Variants in POU2F3 observed in about 807,000 individuals in gnomAD.
The protein encoded by POU2F3 is POU class 2 homeobox 3.
A neutral mutation model predicts 59.2 loss-of-function variants in POU2F3; 23 were observed. The ratio of observed to expected loss-of-function variants is 0.39; its 90% CI spans 0.28 to 0.55. POU2F3 has a LOEUF of 0.55. Ranked by LOEUF, POU2F3 falls within the 20% of genes least tolerant of loss-of-function variation. POU2F3 has a pLI of 0.66. For missense variants in POU2F3, 473 were observed against 544.5 expected (o/e 0.87, Z 1.31); for synonymous variants, 190 against 214.6 (o/e 0.89, Z 1.00).
chr11:120,288,212 AT>A (rs1446537289), intron 3 of POU2F3, among the ~76,000 whole-genome samples: 2 of 151,564 alleles, frequency 1.3e-5, no homozygotes, highest in African/African-American at 4.8e-5. Context: ...ACACATCAGT[AT>A]CCCTGAGGGC....
In POU2F3 at chr11:120,307,501, A is replaced by G; in HGVS notation, c.792A>G (p.Ser264=). 2 of 1,614,168 alleles carry G rather than the reference A, an allele frequency of 1.2e-6. No homozygotes were observed. Among genetic ancestry groups the G allele is most frequent in the Non-Finnish European group, 1.7e-6 (2 of 1,179,994 alleles). The part of the protein sequence containing the change: ...NDAESSPSDP[S]VSTPSSYPSL... Reference sequence around the variant, plus strand: ...CAGAGTCCTCTCCGTCAGACCCCTCAGTGAGCACGCCCAGCTCCTACCCCA... The same window carrying G: ...CAGAGTCCTCTCCGTCAGACCCCTCGGTGAGCACGCCCAGCTCCTACCCCA... Residue 264 remains serine (S), a synonymous_variant, in exon 9 of 13, where the codon TCA becomes TCG. Transcript: ENST00000543440.
intron 3 of POU2F3, among the ~76,000 whole-genome samples, chr11:120,279,856 G>T (rs1339889426): frequency 6.6e-6 from 1 of 152,196 alleles, no homozygotes; most frequent in South Asian, 2.1e-4. Context: ...CCACCAAAAA[G>T]CCCCTCTGCA....
At chr11:120,292,969 A>C (rs549590267) in intron 3 of POU2F3, among the ~76,000 whole-genome samples, 2 of 152,374 alleles carry the variant, frequency 1.3e-5, no homozygotes, top group East Asian at 3.9e-4. Flanking sequence ...AAGCCAAAGC[A>C]TTAAATAACA....
chr11:120,267,553 T>C (rs1470667023), intron 2 of POU2F3, among the ~76,000 whole-genome samples: 1 of 126,734 alleles, frequency 7.9e-6, no homozygotes, highest in Non-Finnish European at 1.7e-5. Context: ...GCCCACCTGC[T>C]CTCAGAGATG....
In POU2F3 at chr11:120,305,625, C is replaced by A. The variant is rs1297068726; in HGVS notation, c.628-19C>A. ...GGAGGCTGCCTCTCATGTTCCTCCC[C>A]CTCGGTCCCCACGCTTAGGGAGATG... On this transcript the variant is annotated intron_variant, in intron 7 of 12. Coordinates refer to ENST00000543440, the MANE Select transcript of POU2F3 (RefSeq NM_014352.4). The A allele has an allele frequency of 1.9e-6, 3 of 1,612,430 alleles. No individual in the cohort carries two copies. Among genetic ancestry groups the A allele is most frequent in the Non-Finnish European group, 2.5e-6 (3 of 1,179,436 alleles).
At chr11:120,307,702 C>A (rs1941537609) in intron 9 of POU2F3, 87 bp downstream of exon 9, 9 of 1,518,776 alleles carry the variant, frequency 5.9e-6, no homozygotes, top group Non-Finnish European at 8.1e-6. Context: ...GGCACCAGCC[C>A]CTCCGCACCT....
At chr11:120,274,729 T>A (rs1363659361) in intron 3 of POU2F3, among the ~76,000 whole-genome samples, 2 of 151,928 alleles carry the variant, frequency 1.3e-5, no homozygotes, top group African/African-American at 2.4e-5. Context: ...TCATATTACA[T>A]GGAGTGATGA....
intron 1 of POU2F3, among the ~76,000 whole-genome samples, chr11:120,245,673 G>C (rs1003289180): frequency 6.6e-6 from 1 of 152,156 alleles, no homozygotes; most frequent in Non-Finnish European, 1.5e-5. Context: ...GTCTGTTAAG[G>C]GTAAATGTTT....
At chr11:120,312,070 A>G (rs910312655) in intron 10 of POU2F3, among the ~76,000 whole-genome samples, 10 of 152,226 alleles carry the variant, frequency 6.6e-5, no homozygotes, top group Non-Finnish European at 1.0e-4. Flanking sequence ...AGAGTAGTGT[A>G]CAAGGCAGAA....
At chr11:120,245,501 T>C (rs1273328061) in intron 1 of POU2F3, among the ~76,000 whole-genome samples, 1 of 152,126 alleles carries the variant, frequency 6.6e-6, no homozygotes, top group Non-Finnish European at 1.5e-5. Context: ...GGGGTCAACA[T>C]GATTTGAATA....
At chr11:120,291,674 T>A (rs1448536806) in intron 3 of POU2F3, among the ~76,000 whole-genome samples, 2 of 152,238 alleles carry the variant, frequency 1.3e-5, no homozygotes, top group Non-Finnish European at 2.9e-5. Context: ...GCAGTGTGGC[T>A]TTATGCAAAT....
In POU2F3 at chr11:120,252,638, C is replaced by T. The variant is rs939211065; in HGVS notation, c.97+6121C>T. Among the ~76,000 whole-genome samples, 5 of 152,298 alleles carry T rather than the reference C, an allele frequency of 3.3e-5. No individual in the cohort carries two copies. In the South Asian group the frequency reaches 6.2e-4, roughly 19 times the overall value. On this transcript the variant is annotated intron_variant, in intron 2 of 12. Coordinates refer to ENST00000543440, the MANE Select transcript of POU2F3 (RefSeq NM_014352.4). ...CCATGTGCCAGAGATCGCAGAACAG[C>T]CTGTGGTGCCAGGATTTGCTTCTCT...
chr11:120,275,557 T>C (rs1005083306), intron 3 of POU2F3, among the ~76,000 whole-genome samples: 1 of 152,190 alleles, frequency 6.6e-6, no homozygotes, highest in Non-Finnish European at 1.5e-5. Context: ...TCCAGGGCCA[T>C]GGATTTCCAC....
At chr11:120,312,967 A>G (rs1327894058) in intron 10 of POU2F3, among the ~76,000 whole-genome samples, 4 of 152,142 alleles carry the variant, frequency 2.6e-5, no homozygotes, top group Non-Finnish European at 4.4e-5. Context: ...CAAAGGTTCC[A>G]AGGTTGATGG....
At chr11:120,299,597 G>T in intron 4 of POU2F3, 27 bp from the exon 5 acceptor site, 4 of 1,597,988 alleles carry the variant, frequency 2.5e-6, no homozygotes, top group Non-Finnish European at 3.4e-6. Flanking sequence ...TAAATTCTGT[G>T]GTGTATGTGT....
At position 120,264,546 on chromosome 11, in the gene POU2F3, T is replaced by A. The variant is rs985676178; in HGVS notation, c.98-4664T>A. Among the ~76,000 whole-genome samples, 3 of 152,180 alleles carry A rather than the reference T, an allele frequency of 2.0e-5. No individual in the cohort carries two copies. The East Asian group carries it at 5.8e-4, about 29-fold the overall frequency. ...TTCAGAGGGAGCAGCATATGCAAAG[T>A]CCCCAACACAAGATCAGACTCCACC... On this transcript the variant is annotated intron_variant, in intron 2 of 12. Transcript: ENST00000543440.
At position 120,253,262 on chromosome 11, in the gene POU2F3, AT is replaced by A. The variant is rs34929989; in HGVS notation, c.97+6760del. On this transcript the variant is annotated intron_variant, in intron 2 of 12. Transcript: ENST00000543440. ...CTTGGATGTGCTATTAACATTTTTA[AT>A]TTTTTTTTTTTTTTGAGATGGAGTC... 1.9e-3 allele frequency among the ~76,000 whole-genome samples: 276 copies of A among 143,536 alleles called. 1 individual carries two copies. Among genetic ancestry groups the A allele is most frequent in the East Asian group, 7.5e-3 (37 of 4,926 alleles). The allele number at this position is 143,536 out of a possible 152,430, so 94.2% of individuals were successfully genotyped here.
chr11:120,285,868 T>G lies in POU2F3; in HGVS notation c.133-12397T>G, dbSNP rs1308109677. 6.7e-6 allele frequency among the ~76,000 whole-genome samples: 1 copy of G among 149,614 alleles called. No homozygotes were observed. Among genetic ancestry groups the G allele is most frequent in the East Asian group, 1.9e-4 (1 of 5,136 alleles). On this transcript the variant is annotated intron_variant, in intron 3 of 12. Transcript: ENST00000543440. The surrounding 1 kb of genome is among the most constrained non-coding windows in gnomAD (Gnocchi z 4.3). ...GATTTTTGTTAATGACCACATAATG[T>G]TCTATTGTTTGGGGGTTTTTCTGTT...
At chr11:120,242,365 G>T (rs1322769812) in intron 1 of POU2F3, among the ~76,000 whole-genome samples, 1 of 152,144 alleles carries the variant, frequency 6.6e-6, no homozygotes, top group Non-Finnish European at 1.5e-5. Context: ...TGTGGGGTCT[G>T]TGAAGGAGGA....
Sources: gnomAD v4.1 joint callset for allele counts (sites outside exome capture counted in the v4.1 genomes callset) on GRCh38, gnomAD v4.1.1 for gene constraint, Gnocchi (gnomAD v3.1) non-coding constraint, MANE v1.5 for transcripts, NCBI Gene and HGNC (gene_info 2026-07-23, HGNC 2026-07-21) for gene names.